The following LDAH variants were observed in gnomAD, a reference collection of about 807,000 sequenced individuals.
LDAH encodes lipid droplet associated hydrolase, also known as lipid droplet-associated hydrolase.
In LDAH, 26 loss-of-function variants were observed where a neutral mutation model predicts 29.6. The ratio of observed to expected loss-of-function variants is 0.88; its 90% CI spans 0.64 to 1.22. The LOEUF (loss-of-function observed/expected upper bound fraction) is 1.22, where lower values mean the gene tolerates loss of function less well. Ranked by LOEUF, LDAH falls within the 50% of genes most tolerant of loss-of-function variation. The pLI, the probability that LDAH is intolerant of heterozygous loss-of-function variation, is 0.00. For missense variants in LDAH, 344 were observed against 387.3 expected (o/e 0.89, Z 0.94); for synonymous variants, 117 against 133.0 (o/e 0.88, Z 0.83).
intron 2 of LDAH, among the ~76,000 whole-genome samples, chr2:20,795,705 T>C (rs750942209): frequency 2.6e-5 from 4 of 152,028 alleles, no homozygotes; most frequent in Non-Finnish European, 5.9e-5. Flanking sequence ...AAGAAAATGA[T>C]ATTGCATCCA....
chr2:20,719,406 T>C (rs1237971641), intron 5 of LDAH, among the ~76,000 whole-genome samples: 1 of 151,344 alleles, frequency 6.6e-6, no homozygotes, highest in Non-Finnish European at 1.5e-5. Context: ...GATAAATTCC[T>C]GGAAAAATAC....
intron 5 of LDAH, among the ~76,000 whole-genome samples, chr2:20,728,003 A>G (rs1666132802): frequency 6.6e-6 from 1 of 152,218 alleles, no homozygotes; most frequent in South Asian, 2.1e-4. Flanking sequence ...AGGATGTGCC[A>G]TCTTTGCCAA....
Position 20,686,840 on chromosome 2 carries a change from A to T in LDAH, c.*63T>A. On this transcript the variant is annotated 3_prime_UTR_variant, in exon 7 of 7. Transcript: ENST00000237822. The stretch of plus-strand genomic sequence containing the variant: ...AGTCTTCAAAATTAAACATTTACCT[A>T]CTAAGTCTAGTACACTGACTGCCTC... 1 of 1,384,150 alleles carries T rather than the reference A, an allele frequency of 7.2e-7. No individual in the cohort carries two copies. Among genetic ancestry groups the T allele is most frequent in the Non-Finnish European group, 9.9e-7 (1 of 1,011,640 alleles). 85.7% of individuals were successfully genotyped at this position (1,384,150 alleles called of 1,614,324 possible).
chr2:20,694,242 C>T (rs944127549), intron 6 of LDAH, among the ~76,000 whole-genome samples: 1 of 152,228 alleles, frequency 6.6e-6, no homozygotes, highest in Non-Finnish European at 1.5e-5. Flanking sequence ...TCCTCCAATG[C>T]ATGCCCATTT....
intron 5 of LDAH, among the ~76,000 whole-genome samples, chr2:20,707,175 G>A (rs1194052537): frequency 6.6e-6 from 1 of 152,102 alleles, no homozygotes; most frequent in Non-Finnish European, 1.5e-5. Flanking sequence ...TTCAGGGCTG[G>A]ACACAAGACA....
At chr2:20,726,431 G>A (rs1380601063) in intron 5 of LDAH, among the ~76,000 whole-genome samples, 1 of 152,162 alleles carries the variant, frequency 6.6e-6, no homozygotes, top group African/African-American at 2.4e-5. Context: ...GACATGAGCA[G>A]CCCCACATGC....
chr2:20,693,386 A>G (rs1663177815), intron 6 of LDAH, among the ~76,000 whole-genome samples: 1 of 152,234 alleles, frequency 6.6e-6, no homozygotes, highest in Non-Finnish European at 1.5e-5. Context: ...GGCTCAGAAA[A>G]TGTATAAGTA....
At chr2:20,715,304 GA>G (rs536504019) in intron 5 of LDAH, among the ~76,000 whole-genome samples, 4,100 of 152,274 alleles carry the variant, frequency 0.027, 82 homozygotes, top group Non-Finnish European at 0.044. Context: ...AATAGATGCG[GA>G]AAAGGCCTTT....
At chr2:20,726,227 G>C (rs1410938643) in intron 5 of LDAH, among the ~76,000 whole-genome samples, 5 of 152,224 alleles carry the variant, frequency 3.3e-5, no homozygotes, top group Non-Finnish European at 7.3e-5. Context: ...GGGCTTGCCT[G>C]AGAGGAGGCA....
chr2:20,807,935 C>T (rs1368242569), intron 1 of LDAH, among the ~76,000 whole-genome samples: 1 of 108,784 alleles, frequency 9.2e-6, no homozygotes, highest in Admixed American at 9.2e-5. Context: ...ATAGAAAATG[C>T]AAAAAAAAAA....
intron 2 of LDAH, among the ~76,000 whole-genome samples, chr2:20,794,577 G>A (rs183916524): frequency 1.3e-5 from 2 of 152,244 alleles, no homozygotes; most frequent in Admixed American, 6.5e-5. Flanking sequence ...TCACAGGAAT[G>A]CTGGATTGGT....
In LDAH at chr2:20,701,007, G is replaced by A. The variant is rs188968892; in HGVS notation, c.786+563C>T. On this transcript the variant is annotated intron_variant, in intron 6 of 6. Coordinates refer to ENST00000237822, the MANE Select transcript of LDAH (RefSeq NM_021925.4). ...GAGTACCACAGTCATCCAAATTCTA[G>A]GGTGACCTTAGACATATACTAAACC... 2.1e-3 allele frequency among the ~76,000 whole-genome samples: 319 copies of A among 152,234 alleles called. 4 individuals carry two copies. The highest frequency in any genetic ancestry group is 0.02 in the Admixed American group (309 of 15,294).
At chr2:20,798,091 C>T (rs886152696) in intron 2 of LDAH, among the ~76,000 whole-genome samples, 2 of 152,190 alleles carry the variant, frequency 1.3e-5, no homozygotes, top group Non-Finnish European at 2.9e-5. Flanking sequence ...CCTCCATTAA[C>T]GCCCTCCATT....
At chr2:20,821,414 C>T (rs1047754065) in intron 1 of LDAH, among the ~76,000 whole-genome samples, 5 of 152,194 alleles carry the variant, frequency 3.3e-5, no homozygotes, top group African/African-American at 1.2e-4. Context: ...GGCACATATA[C>T]ACCATGGGAT....
chr2:20,801,115 A>G (rs1671632634), intron 2 of LDAH, among the ~76,000 whole-genome samples, 195 bp downstream of exon 2: 1 of 152,112 alleles, frequency 6.6e-6, no homozygotes, highest in Admixed American at 6.6e-5. Flanking sequence ...CACAACAGAC[A>G]ACATAATGTA....
intron 5 of LDAH, among the ~76,000 whole-genome samples, chr2:20,736,944 T>A (rs987168913): frequency 4.6e-5 from 7 of 152,356 alleles, no homozygotes; most frequent in Admixed American, 4.6e-4. Context: ...AATTTATACA[T>A]TTTTCTTGTT....
intron 4 of LDAH, among the ~76,000 whole-genome samples, chr2:20,763,589 C>T (rs750772711): frequency 3.3e-5 from 5 of 152,172 alleles, no homozygotes; most frequent in Non-Finnish European, 7.3e-5. Context: ...TACTCCTGGG[C>T]CAAGAAGAGG....
intron 5 of LDAH, among the ~76,000 whole-genome samples, chr2:20,733,130 C>T (rs1327176444): frequency 1.3e-5 from 2 of 151,758 alleles, no homozygotes; most frequent in African/African-American, 4.9e-5. Flanking sequence ...GTAATCATTT[C>T]TGACACCAGC....
chr2:20,782,098 TGAAAATGTGGTCCC>T (rs1442292650), intron 3 of LDAH, among the ~76,000 whole-genome samples: 4 of 152,194 alleles, frequency 2.6e-5, no homozygotes, highest in Non-Finnish European at 5.9e-5. Flanking sequence ...GCAGTGGTTC[TGAAAATGTGGTCCC>T]GAAAATGTGG....
Sources: allele counts gnomAD v4.1 joint callset (sites outside exome capture counted in the v4.1 genomes callset), GRCh38; gene constraint gnomAD v4.1.1; transcripts MANE v1.5; gene names NCBI Gene and HGNC (gene_info 2026-07-23, HGNC 2026-07-21).